The following PLXDC2 variants were observed in gnomAD, a reference collection of about 807,000 sequenced individuals.
PLXDC2 encodes plexin domain-containing protein 2.
Under a neutral mutation model 68.9 loss-of-function variants are expected in PLXDC2, and 40 were observed. The observed-to-expected ratio is 0.58, with a 90% CI of 0.45 to 0.76. The LOEUF (loss-of-function observed/expected upper bound fraction) is 0.76. PLXDC2 is among the 30% of genes least tolerant of loss of function. The pLI is 0.00. For synonymous variants in PLXDC2, 243 were observed against 234.2 expected, an observed-to-expected ratio of 1.04 and a Z score of -0.34; for missense variants, 644 against 661.9, an observed-to-expected ratio of 0.97 and a Z score of 0.30.
chr10:19,982,570 C>T (rs1834569513), intron 1 of PLXDC2, among the ~76,000 whole-genome samples: 1 of 152,066 alleles, frequency 6.6e-6, no homozygotes, highest in African/African-American at 2.4e-5. Flanking sequence ...TATACAGGAT[C>T]GGTAGGTGAT....
chr10:20,147,946 G>A (rs11815026), intron 6 of PLXDC2, 44 bp downstream of exon 6: 204,268 of 1,336,750 alleles, frequency 0.15, 19,805 homozygotes, highest in East Asian at 0.41. Context: ...CCTTGTTCTT[G>A]ACTGCTGCCT....
chr10:20,063,618 T>C (rs1160692616), intron 3 of PLXDC2, among the ~76,000 whole-genome samples: 3 of 152,116 alleles, frequency 2.0e-5, no homozygotes, highest in African/African-American at 7.2e-5. Context: ...ATTTAATAAT[T>C]AGTGTGAAAA....
chr10:20,025,568 T>G lies in PLXDC2; in HGVS notation c.325-21301T>G, dbSNP rs766793203. ...TGAGCCACAGCACCCAGCCTCGACT[T>G]TTTAATTCTAGCCATTCTGACTGGC... On this transcript the variant is annotated intron_variant, in intron 2 of 13. Transcript: ENST00000377252. Among the ~76,000 whole-genome samples, 140 of 152,278 alleles carry G rather than the reference T, an allele frequency of 9.2e-4. 4 individuals carry two copies. Among genetic ancestry groups the G allele is most frequent in the Admixed American group, 4.6e-4 (7 of 15,288 alleles).
Position 20,206,863 on chromosome 10 carries a change from CA to C in PLXDC2, c.1062-4805del, listed in dbSNP as rs1589680683. ...TTGTGCTTTGAAACACACACACACA[CA>C]CACACACACAGACACACACACACAC... On this transcript the variant is annotated intron_variant, in intron 9 of 13. Transcript: ENST00000377252. 2.7e-5 allele frequency among the ~76,000 whole-genome samples: 4 copies of C among 147,792 alleles called. No homozygotes were observed. The East Asian group carries it at 7.8e-4, about 29-fold the overall frequency.
chr10:19,879,828 A>G (rs1362748012), intron 1 of PLXDC2, among the ~76,000 whole-genome samples: 1 of 152,120 alleles, frequency 6.6e-6, no homozygotes, highest in East Asian at 1.9e-4. Context: ...GTGGTCAGTG[A>G]GTTGATTGGG....
At chr10:20,244,457 T>C (rs1835561626) in intron 12 of PLXDC2, among the ~76,000 whole-genome samples, 1 of 152,208 alleles carries the variant, frequency 6.6e-6, no homozygotes, top group Admixed American at 6.5e-5. Context: ...GTGGAAAGTT[T>C]TCCTTTGCTG....
intron 1 of PLXDC2, among the ~76,000 whole-genome samples, chr10:19,982,360 A>G (rs1300208980): frequency 3.9e-5 from 6 of 152,162 alleles, no homozygotes; most frequent in Non-Finnish European, 5.9e-5. Context: ...TCTATTTGCA[A>G]GTCTAGTATT....
intron 1 of PLXDC2, among the ~76,000 whole-genome samples, chr10:19,958,294 T>C (rs1461634678): frequency 6.6e-6 from 1 of 152,134 alleles, no homozygotes; most frequent in African/African-American, 2.4e-5. Context: ...TTCCATGGCT[T>C]TGTTCACACC....
chr10:20,068,404 G>T (rs1284569980), intron 4 of PLXDC2, among the ~76,000 whole-genome samples, 165 bp downstream of exon 4: 1 of 151,792 alleles, frequency 6.6e-6, no homozygotes, highest in Non-Finnish European at 1.5e-5. Flanking sequence ...ATGGTTATTG[G>T]AAAAACTTCT....
intron 2 of PLXDC2, among the ~76,000 whole-genome samples, chr10:20,013,361 C>A (rs924229409): frequency 4.6e-5 from 7 of 152,162 alleles, no homozygotes; most frequent in African/African-American, 1.7e-4. Flanking sequence ...TTAAGGAACT[C>A]TTTTAGGTAC....
At chr10:20,213,112 T>G (rs2131859164) in intron 10 of PLXDC2, among the ~76,000 whole-genome samples, 1 of 152,266 alleles carries the variant, frequency 6.6e-6, no homozygotes, top group Non-Finnish European at 1.5e-5. Flanking sequence ...GTGCATCTTC[T>G]TTTAGAAGAA....
At chr10:20,173,990 A>C (rs1278547168) in intron 7 of PLXDC2, among the ~76,000 whole-genome samples, 10 of 152,210 alleles carry the variant, frequency 6.6e-5, no homozygotes, top group Admixed American at 6.5e-4. Flanking sequence ...CATAGCAAAA[A>C]ATGGTCACAC....
chr10:20,104,874 A>T (rs1833469944), intron 4 of PLXDC2, among the ~76,000 whole-genome samples: 1 of 151,958 alleles, frequency 6.6e-6, no homozygotes, highest in East Asian at 1.9e-4. Flanking sequence ...AATATGGTGA[A>T]ACTCTGTCTC....
At chr10:20,255,889 T>C (rs1275184689) in intron 13 of PLXDC2, among the ~76,000 whole-genome samples, 2 of 152,134 alleles carry the variant, frequency 1.3e-5, no homozygotes. Flanking sequence ...TGGTAATCCC[T>C]TTATAAAAAC....
chr10:20,077,151 G>A (rs887249030), intron 4 of PLXDC2, among the ~76,000 whole-genome samples: 1 of 152,226 alleles, frequency 6.6e-6, no homozygotes, highest in South Asian at 2.1e-4. Flanking sequence ...TAGCAGCCAG[G>A]TAGCCTTTTA....
rs772563353 is a variant in PLXDC2, at chr10:20,001,844, A to T, written c.182A>T (p.Tyr61Phe). The change falls in exon 2 of 14, where the codon TAC becomes TTC. Residue 61 changes from tyrosine to phenylalanine, a missense_variant. Transcript: ENST00000377252. ...EEEVEVDSHA[Y>F]SHRWKRNLDF... is the part of the protein sequence containing the mutation. ...GAGGTGGAAGTTGATTCACACGCGT[A>T]CAGCCACAGGTGGAAAAGAAACTTG... 4.3e-6 allele frequency: 7 copies of T among 1,614,082 alleles called. No individual in the cohort carries two copies. In the Admixed American group the frequency reaches 6.7e-5, roughly 15 times the overall value.
intron 1 of PLXDC2, among the ~76,000 whole-genome samples, chr10:19,872,708 A>T (rs1246879836): frequency 6.6e-6 from 1 of 152,026 alleles, no homozygotes; most frequent in Non-Finnish European, 1.5e-5. Flanking sequence ...AGTTAGAGAC[A>T]GGGTGGGGGT....
At chr10:20,225,813 AT>A (rs138014212) in intron 12 of PLXDC2, among the ~76,000 whole-genome samples, 2 of 151,678 alleles carry the variant, frequency 1.3e-5, no homozygotes, top group Admixed American at 6.6e-5. Flanking sequence ...CTGAGCACCA[AT>A]TTTTTTTTAA....
chr10:19,881,908 C>T (rs1014754206), intron 1 of PLXDC2, among the ~76,000 whole-genome samples: 14 of 152,174 alleles, frequency 9.2e-5, no homozygotes, highest in Non-Finnish European at 1.5e-4. Context: ...TTCTCAGTGT[C>T]CTTCTCAACT....
Sources: gnomAD v4.1 joint callset for allele counts (sites outside exome capture counted in the v4.1 genomes callset) on GRCh38, gnomAD v4.1.1 for gene constraint, MANE v1.5 for transcripts, NCBI Gene and HGNC (gene_info 2026-07-23, HGNC 2026-07-21) for gene names.